Variants in PTPRT observed in about 807,000 individuals in gnomAD.
The protein encoded by PTPRT is protein tyrosine phosphatase receptor type T.
Under a neutral mutation model 176.8 loss-of-function variants are expected in PTPRT, and 56 were observed. The ratio of observed to expected loss-of-function variants is 0.32; its 90% CI spans 0.26 to 0.40. The LOEUF is 0.40. PTPRT is among the 10% of genes least tolerant of loss of function. The probability of loss-of-function intolerance (pLI) is 1.00; values close to 1 mark genes in which losing one functional copy is unlikely to be tolerated. For missense variants in PTPRT, 1,540 were observed against 1,908.2 expected (o/e 0.81, Z 3.60); for synonymous variants, 783 against 739.0 (o/e 1.06, Z -0.96).
At chr20:42,775,419 A>T (rs1184565347) in intron 4 of PTPRT, among the ~76,000 whole-genome samples, 2 of 152,236 alleles carry the variant, frequency 1.3e-5, no homozygotes, top group African/African-American at 2.4e-5. Context: ...AAGTCAACTT[A>T]GAAGCTAGAA....
intron 5 of PTPRT, among the ~76,000 whole-genome samples, chr20:42,763,464 A>T (rs113724840): frequency 0.011 from 1,668 of 151,706 alleles, 34 homozygotes; most frequent in African/African-American, 0.035. Flanking sequence ...TCAAAATAAT[A>T]AAAAAAAATG....
chr20:42,629,359 T>C (rs559527298), intron 7 of PTPRT, among the ~76,000 whole-genome samples: 23 of 152,192 alleles, frequency 1.5e-4, no homozygotes, highest in Non-Finnish European at 2.5e-4. Context: ...CAACTGCATT[T>C]ATGGTGTGAC....
At chr20:43,087,769 C>T (rs2011657638) in intron 1 of PTPRT, among the ~76,000 whole-genome samples, 2 of 152,096 alleles carry the variant, frequency 1.3e-5, no homozygotes, top group Admixed American at 6.6e-5. Flanking sequence ...GTTTTAAAAG[C>T]AAAGCTCTAA....
At chr20:42,353,836 C>A (rs2058321702) in intron 9 of PTPRT, among the ~76,000 whole-genome samples, 1 of 152,124 alleles carries the variant, frequency 6.6e-6, no homozygotes, top group Non-Finnish European at 1.5e-5. Context: ...ATTGCTAGAA[C>A]CAGGAGTTTG....
At position 42,831,450 on chromosome 20, in the gene PTPRT, C is replaced by T. The variant is rs376581979; in HGVS notation, c.215-39984G>A. 5.2e-4 allele frequency among the ~76,000 whole-genome samples: 79 copies of T among 152,258 alleles called. 1 individual carries two copies. The highest frequency in any genetic ancestry group is 1.7e-3 in the African/African-American group (72 of 41,562). ...CTAGAAGACAACCTAGGCATAGGGA[C>T]ATTCTGTACATAGGAACAGCAAAGA... On this transcript the variant is annotated intron_variant, in intron 2 of 30. Coordinates refer to ENST00000373187, the MANE Select transcript of PTPRT (RefSeq NM_007050.6).
chr20:42,232,640 C>T (rs1423106408), intron 15 of PTPRT, among the ~76,000 whole-genome samples: 7 of 151,128 alleles, frequency 4.6e-5, no homozygotes, highest in Non-Finnish European at 1.0e-4. Flanking sequence ...TCCCCCACTC[C>T]CAGACTGTTC....
At chr20:42,140,637 A>G (rs1600578069) in intron 18 of PTPRT, among the ~76,000 whole-genome samples, 1 of 152,104 alleles carries the variant, frequency 6.6e-6, no homozygotes, top group South Asian at 2.1e-4. Context: ...TCCCTCTGCT[A>G]CCAGCCCTTC....
At chr20:42,471,736 A>C (rs1356953302) in intron 8 of PTPRT, among the ~76,000 whole-genome samples, 1 of 151,610 alleles carries the variant, frequency 6.6e-6, no homozygotes, top group African/African-American at 2.4e-5. Flanking sequence ...GCTCACTGCA[A>C]CCTCTGCCTC....
chr20:42,154,237 C>T (rs1989254637), intron 17 of PTPRT, among the ~76,000 whole-genome samples: 1 of 152,200 alleles, frequency 6.6e-6, no homozygotes, highest in South Asian at 2.1e-4. Flanking sequence ...GATATTCTGT[C>T]ATCACTCTGT....
At chr20:42,180,590 T>G (rs1417316324) in intron 16 of PTPRT, among the ~76,000 whole-genome samples, 1 of 152,230 alleles carries the variant, frequency 6.6e-6, no homozygotes, top group Admixed American at 6.5e-5. Context: ...TTTTAATTTC[T>G]GTATTCTTCA....
chr20:42,214,315 T>C (rs2055716755), intron 15 of PTPRT, among the ~76,000 whole-genome samples: 1 of 152,170 alleles, frequency 6.6e-6, no homozygotes, highest in African/African-American at 2.4e-5. Flanking sequence ...TGCACATACA[T>C]GCATAGACAG....
chr20:42,160,450 A>G (rs1989542687), intron 17 of PTPRT, among the ~76,000 whole-genome samples: 1 of 152,044 alleles, frequency 6.6e-6, no homozygotes, highest in Non-Finnish European at 1.5e-5. Flanking sequence ...ATTTGAAACA[A>G]AAAGAGTGAG....
At chr20:42,966,659 C>G (rs1472861576) in intron 1 of PTPRT, among the ~76,000 whole-genome samples, 1 of 152,178 alleles carries the variant, frequency 6.6e-6, no homozygotes, top group African/African-American at 2.4e-5. Context: ...ATGTGAACCA[C>G]ATCAAAATGG....
rs552040478 is a variant in PTPRT, at chr20:42,998,828, A to G, written c.89-112896T>C. On this transcript the variant is annotated intron_variant, in intron 1 of 30. Transcript: ENST00000373187. ...GACCGAGTGACTTGCCCACTGTCAT[A>G]TGGTTGGAATGAGAGGAACTTAGAC... Among the ~76,000 whole-genome samples the G allele has an allele frequency of 6.6e-5, 10 of 152,332 alleles. No homozygotes were observed. In the South Asian group the frequency reaches 2.1e-3, roughly 32 times the overall value.
chr20:42,718,917 C>A (rs1446959241), intron 6 of PTPRT, among the ~76,000 whole-genome samples: 1 of 152,174 alleles, frequency 6.6e-6, no homozygotes, highest in African/African-American at 2.4e-5. Flanking sequence ...AGAGCCAATG[C>A]AGTGATACTA....
chr20:42,450,655 C>T (rs6130135), intron 8 of PTPRT, among the ~76,000 whole-genome samples: 33,785 of 152,006 alleles, frequency 0.22, 3,821 homozygotes, highest in Middle Eastern at 0.32. Flanking sequence ...TTTGAAATCA[C>T]TTAGGTATGC....
At chr20:43,094,672 C>T (rs1292553552) in intron 1 of PTPRT, among the ~76,000 whole-genome samples, 2 of 152,176 alleles carry the variant, frequency 1.3e-5, no homozygotes, top group East Asian at 3.9e-4. Flanking sequence ...GCTGGGATTA[C>T]AGGTGTGAGC....
chr20:42,286,155 T>A (rs528114011), intron 12 of PTPRT, among the ~76,000 whole-genome samples: 1 of 151,972 alleles, frequency 6.6e-6, no homozygotes, highest in South Asian at 2.1e-4. Context: ...AATCAGACTC[T>A]CCAAAGCAAT....
chr20:42,743,532 G>A (rs929461390), intron 6 of PTPRT, among the ~76,000 whole-genome samples: 7 of 152,128 alleles, frequency 4.6e-5, no homozygotes, highest in African/African-American at 7.2e-5. Flanking sequence ...GTTTTAAGGC[G>A]GGAATAAGCG....
Sources: gnomAD v4.1 joint callset for allele counts (sites outside exome capture counted in the v4.1 genomes callset) on GRCh38, gnomAD v4.1.1 for gene constraint, MANE v1.5 for transcripts, NCBI Gene and HGNC (gene_info 2026-07-23, HGNC 2026-07-21) for gene names.